CACNA1D: variants seen among roughly 807,000 people sequenced by gnomAD.
CACNA1D encodes voltage-dependent L-type calcium channel subunit alpha-1D.
Under a neutral mutation model 257.1 loss-of-function variants are expected in CACNA1D, and 55 were observed. That is an observed-to-expected ratio of 0.21 (90% CI 0.17 to 0.27). The LOEUF is 0.27. Among genes scored for constraint, CACNA1D ranks in the 10% least tolerant of loss-of-function variants. The pLI is 1.00. For missense variants in CACNA1D, 1,876 were observed against 2,784.0 expected, an observed-to-expected ratio of 0.67 and a Z score of 7.34; for synonymous variants, 980 against 1,014.9, an observed-to-expected ratio of 0.97 and a Z score of 0.65.
At chr3:53,537,885 A>C (rs148009631) in intron 3 of CACNA1D, among the ~76,000 whole-genome samples, 353 of 152,312 alleles carry the variant, frequency 2.3e-3, no homozygotes, top group African/African-American at 8.2e-3. Flanking sequence ...CTACAGGCTC[A>C]TAACATTCAA....
rs572777926 is a variant in CACNA1D at position 53,680,709 on chromosome 3, T to A, written c.1220+7583T>A. Among the ~76,000 whole-genome samples the A allele has an allele frequency of 2.6e-5, 4 of 152,342 alleles. No homozygotes were observed. The South Asian group carries it at 8.3e-4, about 32-fold the overall frequency. ...TGTGGTCCCTATTCAATTGGAGGCA[T>A]TAACAATTGCCATTACTTTTACAAT... On this transcript the variant is annotated intron_variant, in intron 8 of 47. Coordinates refer to ENST00000350061, the MANE Select transcript of CACNA1D (RefSeq NM_001128840.3).
At chr3:53,719,723 C>A (rs753859531) in intron 10 of CACNA1D, 32 bp from the exon 11 acceptor site, 1 of 1,609,492 alleles carries the variant, frequency 6.2e-7, no homozygotes, top group South Asian at 1.1e-5. Flanking sequence ...CCCTCGGAAC[C>A]AGAATCTTAA....
At chr3:53,706,227 C>A (rs2094687664) in intron 9 of CACNA1D, among the ~76,000 whole-genome samples, 1 of 152,146 alleles carries the variant, frequency 6.6e-6, no homozygotes, top group Admixed American at 6.5e-5. Context: ...TCCTCCCAGA[C>A]CTTGAGGATT....
intron 3 of CACNA1D, among the ~76,000 whole-genome samples, chr3:53,514,282 C>T (rs949935400): frequency 1.3e-5 from 2 of 151,696 alleles, no homozygotes; most frequent in African/African-American, 4.8e-5. Flanking sequence ...AGTCCAGGCT[C>T]ACAGGCTGAT....
At chr3:53,668,153 A>T (rs1018770236) in intron 7 of CACNA1D, among the ~76,000 whole-genome samples, 1 of 152,164 alleles carries the variant, frequency 6.6e-6, no homozygotes, top group Admixed American at 6.5e-5. Flanking sequence ...TGATTTTTTT[A>T]AAAATCAAAA....
chr3:53,539,009 T>A (rs1422234549), intron 3 of CACNA1D, among the ~76,000 whole-genome samples: 1 of 152,166 alleles, frequency 6.6e-6, no homozygotes, highest in Non-Finnish European at 1.5e-5. Context: ...CGATTTTCTT[T>A]CCTGTTTGAT....
chr3:53,798,116 T>G (rs1023457193), intron 40 of CACNA1D: 3 of 152,246 alleles, frequency 2.0e-5, no homozygotes, highest in Admixed American at 2.0e-4. Flanking sequence ...TGTTTAGTAC[T>G]GCCGGGTATG....
chr3:53,673,565 A>C lies in CACNA1D; in HGVS notation c.1220+439A>C. On this transcript the variant is annotated intron_variant, in intron 8 of 47. Transcript: ENST00000350061. The surrounding 1 kb of genome is among the most constrained non-coding windows in gnomAD (Gnocchi z 4.1). ...GCTGAGCTTGTCCTTATTTGCAGAA[A>C]AAAAAAAAAAAAGGGAAGGACCTAG... 1 of 565,892 alleles carries C rather than the reference A, an allele frequency of 1.8e-6. No homozygotes were observed. Among genetic ancestry groups the C allele is most frequent in the Non-Finnish European group, 3.1e-6 (1 of 317,856 alleles). The allele number at this position is 565,892 out of a possible 1,614,324, so 35.1% of individuals were successfully genotyped here.
chr3:53,622,439 C>T (rs1368308060), intron 3 of CACNA1D, among the ~76,000 whole-genome samples: 1 of 152,080 alleles, frequency 6.6e-6, no homozygotes. Flanking sequence ...AATAATGCGG[C>T]CATTAAAAAG....
At chr3:53,677,509 G>A (rs888389461) in intron 8 of CACNA1D, among the ~76,000 whole-genome samples, 3 of 152,202 alleles carry the variant, frequency 2.0e-5, no homozygotes. Context: ...TAAATCCGTG[G>A]ATATCCCCCA....
intron 7 of CACNA1D, among the ~76,000 whole-genome samples, chr3:53,667,209 T>C (rs375111513): frequency 3.3e-5 from 5 of 152,254 alleles, no homozygotes; most frequent in South Asian, 2.1e-4. Flanking sequence ...ATGAAAACAG[T>C]TGGACACTCT....
chr3:53,723,507 A>C lies in CACNA1D; in HGVS notation c.1740A>C (p.Gln580His). 6.2e-7 allele frequency: 1 copy of C among 1,614,094 alleles called. No individual in the cohort carries two copies. Among genetic ancestry groups the C allele is most frequent in the Non-Finnish European group, 8.5e-7 (1 of 1,180,032 alleles). The change falls in exon 13 of 48, where the codon CAA (glutamine) becomes CAC (histidine). Residue 580 changes from glutamine (Q) to histidine (H), a missense_variant. Physicochemically the swap from Gln to His is conservative, Grantham distance 24. Transcript: ENST00000350061. This position sits in a 1 kb window ranked among gnomAD's most constrained non-coding sequence, Gnocchi z 5.6. ...TAAAAATGTACAGCTTGGGCCTCCA[A>C]GCATATTTCGTCTCTCTTTTCAACC... is the stretch of plus-strand genomic sequence containing the variant. ...MLVKMYSLGL[Q>H]AYFVSLFNRF... is the part of the protein sequence containing the mutation.
rs2090614486 is a variant in CACNA1D at position 53,501,800 on chromosome 3, T to G, written c.483+80T>G. ...ATACTTAAACTGGCAGCTGGCCTTC[T>G]GGGTGGTTGAAGTTTATAGCTATGC... On this transcript the variant is annotated intron_variant, in intron 3 of 47. Transcript: ENST00000350061. 3.6e-6 allele frequency: 3 copies of G among 831,386 alleles called. No individual in the cohort carries two copies. The Admixed American group carries it at 5.3e-5, about 15-fold the overall frequency. 51.5% of individuals were successfully genotyped at this position (831,386 alleles called of 1,614,324 possible).
At chr3:53,502,032 A>C (rs2090625031) in intron 3 of CACNA1D, among the ~76,000 whole-genome samples, 1 of 151,756 alleles carries the variant, frequency 6.6e-6, no homozygotes, top group Admixed American at 6.6e-5. Context: ...TTTTCCTGAT[A>C]ATATTAGCTT....
At chr3:53,626,137 A>G (rs2093755802) in intron 3 of CACNA1D, among the ~76,000 whole-genome samples, 1 of 152,030 alleles carries the variant, frequency 6.6e-6, no homozygotes, top group African/African-American at 2.4e-5. Context: ...TAAAAGGGGG[A>G]CCCCTCAGAG....
rs150237670 is a variant in CACNA1D at position 53,586,133 on chromosome 3, A to C, written c.484-64646A>C. Among the ~76,000 whole-genome samples the C allele has an allele frequency of 3.6e-3, 554 of 152,284 alleles. 2 individuals carry two copies. The highest frequency in any genetic ancestry group is 6.6e-3 in the Non-Finnish European group (446 of 68,014). On this transcript the variant is annotated intron_variant, in intron 3 of 47. Coordinates refer to ENST00000350061, the MANE Select transcript of CACNA1D (RefSeq NM_001128840.3). ...AAATGTTGGAAAGTGACCTCTCCTG[A>C]GCATCCCAGTGACATGGCTGGATGC...
At chr3:53,802,868 C>A (rs1439367956) in intron 43 of CACNA1D, among the ~76,000 whole-genome samples, 2 of 152,172 alleles carry the variant, frequency 1.3e-5, no homozygotes, top group East Asian at 3.9e-4. Context: ...GGGAGACTTA[C>A]CACATTCCTG....
chr3:53,557,526 CTACTTAGATTTAAT>C (rs1363276468), intron 3 of CACNA1D, among the ~76,000 whole-genome samples: 1 of 152,068 alleles, frequency 6.6e-6, no homozygotes, highest in Non-Finnish European at 1.5e-5. Context: ...GATCTGTGTT[CTACTTAGATTTAAT>C]TTTTGTAGAA....
rs553937911 is a variant in CACNA1D, at chr3:53,564,645, T to A, written c.483+62925T>A. On this transcript the variant is annotated intron_variant, in intron 3 of 47. Coordinates refer to ENST00000350061, the MANE Select transcript of CACNA1D (RefSeq NM_001128840.3). ...ATTAGGAGTTTTTTTCTTTAGTTTT[T>A]AAATTAGCGTTTATGGAGTACTTTG... is the stretch of plus-strand genomic sequence containing the variant. 9.8e-5 allele frequency among the ~76,000 whole-genome samples: 15 copies of A among 152,352 alleles called. No individual in the cohort carries two copies. In the South Asian group the frequency reaches 3.1e-3, roughly 32 times the overall value.
Sources: allele counts gnomAD v4.1 joint callset (sites outside exome capture counted in the v4.1 genomes callset), GRCh38; gene constraint gnomAD v4.1.1; non-coding constraint Gnocchi (gnomAD v3.1); transcripts MANE v1.5; gene names NCBI Gene and HGNC (gene_info 2026-07-23, HGNC 2026-07-21).